Variants in PDZD2 observed in about 807,000 individuals in gnomAD.
PDZD2 encodes PDZ domain-containing protein 2.
Under a neutral mutation model 220.7 loss-of-function variants are expected in PDZD2, and 90 were observed. That is an observed-to-expected ratio of 0.41 (90% CI 0.34 to 0.49). PDZD2 has a LOEUF of 0.49. Ranked by LOEUF, PDZD2 falls within the 20% of genes least tolerant of loss-of-function variation. PDZD2 has a pLI of 0.28. For missense variants in PDZD2, 3,174 were observed against 3,608.5 expected, an observed-to-expected ratio of 0.88 and a Z score of 3.08; for synonymous variants, 1,375 against 1,450.5, an observed-to-expected ratio of 0.95 and a Z score of 1.18.
chr5:31,699,177 A>T (rs1478023726), intron 1 of PDZD2, among the ~76,000 whole-genome samples: 1 of 152,036 alleles, frequency 6.6e-6, no homozygotes, highest in East Asian at 1.9e-4. Flanking sequence ...CACGTACCCA[A>T]CCCGTCCCGT....
intron 19 of PDZD2, among the ~76,000 whole-genome samples, chr5:32,080,312 C>T (rs190949845): frequency 1.4e-5 from 2 of 138,856 alleles, no homozygotes; most frequent in African/African-American, 5.6e-5. Flanking sequence ...CACACCACTG[C>T]ACTCCAGCCT....
chr5:31,978,884 G>A, intron 2 of PDZD2, among the ~76,000 whole-genome samples: 1 of 152,238 alleles, frequency 6.6e-6, no homozygotes, highest in Admixed American at 6.5e-5. Context: ...TAAGGTGACA[G>A]GGTCTTATTT....
At chr5:32,056,082 A>T (rs1256838493) in intron 10 of PDZD2, among the ~76,000 whole-genome samples, 2 of 152,248 alleles carry the variant, frequency 1.3e-5, no homozygotes, top group Admixed American at 6.5e-5. Context: ...ATACTTCTTT[A>T]AAAAACTTTG....
At chr5:31,677,741 G>A (rs1393723772) in intron 1 of PDZD2, among the ~76,000 whole-genome samples, 1 of 152,206 alleles carries the variant, frequency 6.6e-6, no homozygotes, top group African/African-American at 2.4e-5. Flanking sequence ...TCATTATGCT[G>A]AGTGAAAGAA....
chr5:31,729,652 T>C (rs1273949320), intron 1 of PDZD2, among the ~76,000 whole-genome samples: 2 of 152,190 alleles, frequency 1.3e-5, no homozygotes, highest in Non-Finnish European at 2.9e-5. Flanking sequence ...ATCCACCAAC[T>C]TCAGAACAAT....
At chr5:31,655,598 A>G (rs971447840) in intron 1 of PDZD2, among the ~76,000 whole-genome samples, 1 of 151,332 alleles carries the variant, frequency 6.6e-6, no homozygotes, top group African/African-American at 2.4e-5. Flanking sequence ...TGGTTCATTG[A>G]TGTATCATCA....
At chr5:31,821,410 C>T (rs1182506513) in intron 2 of PDZD2, among the ~76,000 whole-genome samples, 2 of 148,710 alleles carry the variant, frequency 1.3e-5, no homozygotes, top group East Asian at 3.9e-4. Flanking sequence ...GAGATGGAGT[C>T]TCACTCTGTC....
chr5:31,746,728 T>C (rs548080470), intron 1 of PDZD2, among the ~76,000 whole-genome samples: 25 of 152,060 alleles, frequency 1.6e-4, no homozygotes, highest in African/African-American at 5.6e-4. Context: ...GCTTTTCCAC[T>C]GTGCTCTGCA....
chr5:31,923,515 T>C (rs947062629), intron 2 of PDZD2: 1 of 914,630 alleles, frequency 1.1e-6, no homozygotes, highest in Non-Finnish European at 1.8e-6. Context: ...CCAACTGTTC[T>C]GAGCCTACTT....
In PDZD2 at chr5:31,895,909, T is replaced by A. The variant is rs1157305943; in HGVS notation, c.477-87246T>A. Reference sequence around the variant, plus strand: ...CATGTTTCAGCCTCTGTTGGGGAACTGGCTTTACTAAGCTCCAGCGATGTG... The same window carrying A: ...CATGTTTCAGCCTCTGTTGGGGAACAGGCTTTACTAAGCTCCAGCGATGTG... On this transcript the variant is annotated intron_variant, in intron 2 of 24. Transcript: ENST00000438447. Among the ~76,000 whole-genome samples the A allele has an allele frequency of 2.0e-5, 3 of 152,308 alleles. No homozygotes were observed. In the East Asian group the frequency reaches 5.8e-4, roughly 29 times the overall value.
chr5:32,074,513 A>G lies in PDZD2; in HGVS notation c.3407A>G (p.Lys1136Arg). Reference protein sequence around the residue: ...PHCKRSEAEAKPSGSQTVNLT... With the variant: ...PHCKRSEAEARPSGSQTVNLT... ...TGCAAGAGATCCGAGGCTGAGGCCA[A>G]GCCCAGTGGCTCACAGACAGTGAAC... Residue 1136 changes from lysine (K) to arginine (R), a missense_variant, in exon 18 of 25, where the codon AAG (lysine) becomes AGG (arginine). Physicochemically the swap from Lys to Arg is conservative, Grantham distance 26. Around this residue, in one of 4 missense-constraint regions of PDZD2, gnomAD observed 1,861 missense variants for 2,001.0 expected, o/e 0.93. Transcript: ENST00000438447. 1 of 1,614,150 alleles carries G rather than the reference A, an allele frequency of 6.2e-7. No homozygotes were observed. The highest frequency in any genetic ancestry group is 1.1e-5 in the South Asian group (1 of 91,092).
intron 7 of PDZD2, among the ~76,000 whole-genome samples, chr5:32,047,271 A>G (rs952030684): frequency 6.6e-6 from 1 of 152,230 alleles, no homozygotes; most frequent in African/African-American, 2.4e-5. Flanking sequence ...AGAATAGCCA[A>G]AATTAAAGAC....
chr5:31,744,990 A>G (rs1271048684), intron 1 of PDZD2, among the ~76,000 whole-genome samples: 3 of 152,082 alleles, frequency 2.0e-5, no homozygotes, highest in South Asian at 2.1e-4. Context: ...GGAGAATGGC[A>G]TGAACCTGGG....
intron 2 of PDZD2, among the ~76,000 whole-genome samples, chr5:31,805,515 T>C (rs759299296): frequency 3.9e-5 from 6 of 152,296 alleles, no homozygotes; most frequent in African/African-American, 4.8e-5. Context: ...TCACTCTTAA[T>C]TGTAAGCAGT....
intron 1 of PDZD2, among the ~76,000 whole-genome samples, chr5:31,706,024 C>G (rs557792695): frequency 2.0e-5 from 3 of 147,242 alleles, no homozygotes; most frequent in Non-Finnish European, 4.6e-5. Context: ...TGTACTTCAG[C>G]CTGGGCCACA....
chr5:31,957,733 T>C (rs1581159285), intron 2 of PDZD2, among the ~76,000 whole-genome samples: 1 of 152,198 alleles, frequency 6.6e-6, no homozygotes, highest in African/African-American at 2.4e-5. Flanking sequence ...ACACTGATGA[T>C]TCAAATTAAT....
At position 32,053,900 on chromosome 5, in the gene PDZD2, T is replaced by C. The variant is rs746985734; in HGVS notation, c.1900+17T>C. ...TTAAAGAAGGTAGGGGAAAGCCTCTTGTATCCTCAGTGACAGTGACTTTGA... is the reference window on the plus strand; with the variant it reads ...TTAAAGAAGGTAGGGGAAAGCCTCTCGTATCCTCAGTGACAGTGACTTTGA... On this transcript the variant is annotated intron_variant, in intron 10 of 24. Coordinates refer to ENST00000438447, the MANE Select transcript of PDZD2 (RefSeq NM_178140.4). The C allele has an allele frequency of 1.5e-6, 2 of 1,360,724 alleles. No individual in the cohort carries two copies. Among genetic ancestry groups the C allele is most frequent in the Admixed American group, 3.4e-5 (2 of 59,694 alleles). 84.3% of individuals were successfully genotyped at this position (1,360,724 alleles called of 1,614,324 possible).
intron 2 of PDZD2, among the ~76,000 whole-genome samples, chr5:31,980,845 G>A (rs1750235304): frequency 1.3e-5 from 2 of 152,098 alleles, no homozygotes; most frequent in South Asian, 2.1e-4. Context: ...GTGCAGTGGC[G>A]CGATCTCAGC....
chr5:31,908,751 A>T, intron 2 of PDZD2: 1 of 988,124 alleles, frequency 1.0e-6, no homozygotes, highest in Non-Finnish European at 1.5e-6. Context: ...AATTTCAAAA[A>T]CGACCAGTTC....
Sources: gnomAD v4.1 joint callset for allele counts (sites outside exome capture counted in the v4.1 genomes callset) on GRCh38, gnomAD v4.1.1 for gene constraint, gnomAD v4.1.1 regional missense constraint, MANE v1.5 for transcripts, NCBI Gene and HGNC (gene_info 2026-07-23, HGNC 2026-07-21) for gene names.